Variants in IQCM observed in about 807,000 individuals in gnomAD.
The protein encoded by IQCM is IQ motif containing M.
A neutral mutation model predicts 57.6 loss-of-function variants in IQCM; 45 were observed. That is an observed-to-expected ratio of 0.78 (90% CI 0.62 to 1.00). The LOEUF is 1.00. Ranked by LOEUF, IQCM falls within the 50% of genes least tolerant of loss-of-function variation. The probability of loss-of-function intolerance (pLI) is 0.00; values close to 1 mark genes in which losing one functional copy is unlikely to be tolerated. For synonymous variants in IQCM, 148 were observed against 158.9 expected (o/e 0.93, Z 0.51); for missense variants, 468 against 511.6 (o/e 0.91, Z 0.82).
intron 2 of IQCM, among the ~76,000 whole-genome samples, chr4:149,784,684 G>A (rs946158577): frequency 2.6e-5 from 4 of 152,098 alleles, no homozygotes; most frequent in Admixed American, 6.6e-5. Flanking sequence ...AAAATGCTGG[G>A]ATTACAGTTG....
intron 12 of IQCM, among the ~76,000 whole-genome samples, chr4:149,443,949 G>A (rs893356601): frequency 7.9e-5 from 12 of 151,876 alleles, no homozygotes; most frequent in Admixed American, 7.9e-4. Context: ...TTAGTAGGAT[G>A]TCAGTAGGGG....
At chr4:149,594,378 T>C (rs2150017202) in intron 8 of IQCM, among the ~76,000 whole-genome samples, 1 of 152,316 alleles carries the variant, frequency 6.6e-6, no homozygotes, top group African/African-American at 2.4e-5. Flanking sequence ...TAGCGGTCTA[T>C]CAATTTTGTT....
chr4:149,558,551 T>C (rs553451741), intron 10 of IQCM, among the ~76,000 whole-genome samples: 1 of 152,216 alleles, frequency 6.6e-6, no homozygotes, highest in Admixed American at 6.5e-5. Flanking sequence ...CAAATATATG[T>C]TAGGTGGTAG....
chr4:149,527,874 T>C (rs917461073), intron 12 of IQCM, among the ~76,000 whole-genome samples: 2 of 152,112 alleles, frequency 1.3e-5, no homozygotes, highest in Admixed American at 1.3e-4. Flanking sequence ...CACTTTCCTT[T>C]CCCTGACATC....
At chr4:149,555,805 A>C (rs1180622674) in intron 10 of IQCM, among the ~76,000 whole-genome samples, 1 of 152,094 alleles carries the variant, frequency 6.6e-6, no homozygotes, top group African/African-American at 2.4e-5. Flanking sequence ...TTCTGAGAAA[A>C]GGAAGGGCAT....
chr4:149,789,080 CAACAGCAAAGTAGGGTGACTATAGTT>C (rs1195692754), intron 2 of IQCM, among the ~76,000 whole-genome samples: 2 of 151,972 alleles, frequency 1.3e-5, no homozygotes, highest in African/African-American at 4.8e-5. Flanking sequence ...GTTTATTGTT[CAACAGCAAAGTAGGGTGACTATAGTT>C]AACAACAATG....
In IQCM at chr4:149,625,544, T is replaced by C. The variant is rs552419220; in HGVS notation, c.566-4300A>G. ...CTGCATTTTTTATGTAGAAGTATGA[T>C]TGGACAAAATGTGGTATGACCTTAG... On this transcript the variant is annotated intron_variant, in intron 7 of 13. Coordinates refer to ENST00000636793, the MANE Select transcript of IQCM (RefSeq NM_001363507.2). 3.3e-5 allele frequency among the ~76,000 whole-genome samples: 5 copies of C among 152,266 alleles called. No homozygotes were observed. The South Asian group carries it at 8.3e-4, about 25-fold the overall frequency.
chr4:149,521,421 T>C (rs1403592146), intron 12 of IQCM, among the ~76,000 whole-genome samples: 1 of 152,156 alleles, frequency 6.6e-6, no homozygotes, highest in African/African-American at 2.4e-5. Flanking sequence ...ACTCACAATT[T>C]CCATAAAAAA....
At chr4:149,465,826 T>A (rs760420307) in intron 12 of IQCM, among the ~76,000 whole-genome samples, 2 of 150,810 alleles carry the variant, frequency 1.3e-5, no homozygotes, top group Non-Finnish European at 3.0e-5. Context: ...GAAAAAAAAA[T>A]AGTAGGGAAT....
intron 2 of IQCM, among the ~76,000 whole-genome samples, chr4:149,805,967 C>T (rs912028221): frequency 6.6e-6 from 1 of 151,736 alleles, no homozygotes; most frequent in Admixed American, 6.6e-5. Flanking sequence ...TGACAAGTTA[C>T]GATGGCTTTG....
intron 8 of IQCM, among the ~76,000 whole-genome samples, chr4:149,611,962 T>A (rs1021368411): frequency 8.3e-6 from 1 of 120,658 alleles, no homozygotes; most frequent in South Asian, 3.3e-4. Flanking sequence ...TAATTAACAA[T>A]AATTTTATTA....
rs141903030 is a variant in IQCM, at chr4:149,539,956, T to C, written c.1228+8499A>G. Among the ~76,000 whole-genome samples the C allele has an allele frequency of 1.7e-3, 255 of 152,266 alleles. 1 individual carries two copies. Among genetic ancestry groups the C allele is most frequent in the Non-Finnish European group, 2.9e-3 (196 of 68,006 alleles). On this transcript the variant is annotated intron_variant, in intron 12 of 13. Transcript: ENST00000636793. Reference sequence around the variant, plus strand: ...ATAAGTCCAATGGATATCCCAGGTGTTATAGACTGAATTGTGTCTCCTCCC... The same window carrying C: ...ATAAGTCCAATGGATATCCCAGGTGCTATAGACTGAATTGTGTCTCCTCCC...
intron 12 of IQCM, among the ~76,000 whole-genome samples, chr4:149,521,792 A>C (rs1240339711): frequency 6.6e-6 from 1 of 152,188 alleles, no homozygotes; most frequent in Non-Finnish European, 1.5e-5. Context: ...TCATGCCTGC[A>C]GTCCTCTCCC....
intron 2 of IQCM, among the ~76,000 whole-genome samples, chr4:149,792,840 C>T (rs1192773532): frequency 6.6e-6 from 1 of 152,152 alleles, no homozygotes; most frequent in Non-Finnish European, 1.5e-5. Flanking sequence ...GGTAGTAATG[C>T]ACCTGACTGA....
intron 3 of IQCM, among the ~76,000 whole-genome samples, chr4:149,738,141 C>T (rs1369336882): frequency 6.6e-6 from 1 of 152,134 alleles, no homozygotes; most frequent in Non-Finnish European, 1.5e-5. Flanking sequence ...GCTGAAGTCA[C>T]ACAGCAGTGC....
intron 7 of IQCM, among the ~76,000 whole-genome samples, chr4:149,643,307 GC>G (rs1312535915): frequency 2.0e-5 from 3 of 152,166 alleles, no homozygotes; most frequent in Non-Finnish European, 4.4e-5. Flanking sequence ...ACAAGAAGAA[GC>G]CCCAGGCTTT....
At chr4:149,647,612 T>C (rs2150127037) in intron 7 of IQCM, among the ~76,000 whole-genome samples, 1 of 152,202 alleles carries the variant, frequency 6.6e-6, no homozygotes, top group South Asian at 2.1e-4. Context: ...ATCCTTTTTC[T>C]TTTACTTCTT....
At chr4:149,763,017 C>T (rs1010163719) in intron 2 of IQCM, among the ~76,000 whole-genome samples, 2 of 151,974 alleles carry the variant, frequency 1.3e-5, no homozygotes, top group Non-Finnish European at 1.5e-5. Context: ...TAACTTCATA[C>T]TCCACAAGAA....
rs368705562 is a variant in IQCM, at chr4:149,636,134, A to C, written c.566-14890T>G. Among the ~76,000 whole-genome samples, 51 of 152,330 alleles carry C rather than the reference A, an allele frequency of 3.3e-4. No homozygotes were observed. In the East Asian group the frequency reaches 8.1e-3, roughly 24 times the overall value. ...AAAATAATGATTTCGTTTTTCAGCT[A>C]GAGTGCTATGGTCACAAGGCAGTCT... On this transcript the variant is annotated intron_variant, in intron 7 of 13. Transcript: ENST00000636793.
Sources: gnomAD v4.1 joint callset for allele counts (sites outside exome capture counted in the v4.1 genomes callset) on GRCh38, gnomAD v4.1.1 for gene constraint, MANE v1.5 for transcripts, NCBI Gene and HGNC (gene_info 2026-07-23, HGNC 2026-07-21) for gene names.